The following CNTN3 variants were observed in gnomAD, a reference collection of about 807,000 sequenced individuals.
CNTN3 encodes the protein contactin 3.
CNTN3 carries 60 observed loss-of-function variants against 119.1 expected under a neutral mutation model. The observed-to-expected ratio is 0.50, with a 90% CI of 0.41 to 0.62. CNTN3 has a LOEUF of 0.62. Among genes scored for constraint, CNTN3 ranks in the 20% least tolerant of loss-of-function variants. The pLI, the probability that CNTN3 is intolerant of heterozygous loss-of-function variation, is 0.00. For missense variants in CNTN3, 1,101 were observed against 1,242.4 expected, an observed-to-expected ratio of 0.89 and a Z score of 1.71; for synonymous variants, 450 against 438.7, an observed-to-expected ratio of 1.03 and a Z score of -0.32.
chr3:74,500,651 C>T (rs1703151468), intron 2 of CNTN3, among the ~76,000 whole-genome samples: 1 of 151,780 alleles, frequency 6.6e-6, no homozygotes, highest in Admixed American at 6.6e-5. Flanking sequence ...AAAACGAGAT[C>T]AAGAAGCAGC....
chr3:74,369,445 A>C, intron 7 of CNTN3, 72 bp from the exon 8 acceptor site: 1 of 1,230,250 alleles, frequency 8.1e-7, no homozygotes, highest in Non-Finnish European at 1.1e-6. Flanking sequence ...AAAGCTTTTA[A>C]GATTGAACAA....
At chr3:74,364,688 T>C (rs2106778257) in intron 9 of CNTN3, 92 bp from the exon 10 acceptor site, 1 of 1,097,836 alleles carries the variant, frequency 9.1e-7, no homozygotes, top group African/African-American at 1.6e-5. Flanking sequence ...ACAGAAACTT[T>C]CTGCATTTTT....
intron 12 of CNTN3, among the ~76,000 whole-genome samples, chr3:74,336,102 C>T (rs373252883): frequency 5.9e-5 from 9 of 152,048 alleles, no homozygotes; most frequent in East Asian, 1.9e-4. Context: ...CCAATTTTTT[C>T]ATGAATGGAT....
intron 5 of CNTN3, among the ~76,000 whole-genome samples, chr3:74,375,091 T>C (rs1402617955): frequency 6.6e-6 from 1 of 152,170 alleles, no homozygotes; most frequent in Non-Finnish European, 1.5e-5. Flanking sequence ...AATAATATGG[T>C]CTACCTATTG....
intron 4 of CNTN3, among the ~76,000 whole-genome samples, chr3:74,481,298 A>C (rs1702759285): frequency 6.7e-6 from 1 of 149,370 alleles, no homozygotes; most frequent in Non-Finnish European, 1.5e-5. Flanking sequence ...TTTAGAGAAT[A>C]TCCATTTTTT....
intron 1 of CNTN3, among the ~76,000 whole-genome samples, chr3:74,535,029 A>T (rs1703745466): frequency 6.6e-6 from 1 of 152,076 alleles, no homozygotes; most frequent in Non-Finnish European, 1.5e-5. Context: ...AATATAATTG[A>T]CACCTTGTCT....
intron 11 of CNTN3, among the ~76,000 whole-genome samples, chr3:74,339,231 A>C (rs1703471956): frequency 6.6e-6 from 1 of 152,016 alleles, no homozygotes; most frequent in Non-Finnish European, 1.5e-5. Flanking sequence ...CCTTGCTTAG[A>C]ACCTCCTCTT....
At chr3:74,553,700 T>G (rs1704027454) in intron 1 of CNTN3, among the ~76,000 whole-genome samples, 1 of 152,236 alleles carries the variant, frequency 6.6e-6, no homozygotes, top group Non-Finnish European at 1.5e-5. Context: ...GTCTCTTAGC[T>G]GCATAAATGT....
intron 4 of CNTN3, among the ~76,000 whole-genome samples, chr3:74,434,514 G>A (rs1701835423): frequency 6.6e-6 from 1 of 152,136 alleles, no homozygotes; most frequent in Admixed American, 6.5e-5. Context: ...AGAGGTCCAT[G>A]AACATCTGTT....
intron 1 of CNTN3, among the ~76,000 whole-genome samples, chr3:74,603,697 G>A (rs537838327): frequency 5.3e-5 from 8 of 151,962 alleles, no homozygotes; most frequent in East Asian, 1.9e-4. Context: ...GATATCCTAC[G>A]TTTATGGACT....
chr3:74,426,562 T>C (rs1273250711), intron 4 of CNTN3, among the ~76,000 whole-genome samples: 1 of 152,034 alleles, frequency 6.6e-6, no homozygotes, highest in Non-Finnish European at 1.5e-5. Context: ...TACTGAAAAA[T>C]AGTATTAAAT....
intron 1 of CNTN3, among the ~76,000 whole-genome samples, chr3:74,590,088 C>T (rs2106684917): frequency 6.6e-6 from 1 of 151,510 alleles, no homozygotes; most frequent in Non-Finnish European, 1.5e-5. Context: ...TGCGCATGTA[C>T]CCTAAAACTT....
intron 13 of CNTN3, among the ~76,000 whole-genome samples, chr3:74,306,118 A>G (rs1416183750): frequency 6.6e-6 from 1 of 150,756 alleles, no homozygotes; most frequent in Non-Finnish European, 1.5e-5. Context: ...AGTTTCACTT[A>G]TGTCAAACTA....
At chr3:74,581,581 T>C (rs1274705424) in intron 1 of CNTN3, among the ~76,000 whole-genome samples, 1 of 152,206 alleles carries the variant, frequency 6.6e-6, no homozygotes, top group Non-Finnish European at 1.5e-5. Flanking sequence ...TCAATTCATT[T>C]CGAACTCCCA....
At chr3:74,461,173 A>C (rs894453909) in intron 4 of CNTN3, among the ~76,000 whole-genome samples, 2 of 151,996 alleles carry the variant, frequency 1.3e-5, no homozygotes, top group African/African-American at 2.4e-5. Context: ...ATGTTAGACC[A>C]AACTTGCATT....
intron 1 of CNTN3, among the ~76,000 whole-genome samples, chr3:74,580,260 TC>T (rs1704482761): frequency 3.3e-5 from 5 of 152,192 alleles, no homozygotes; most frequent in Admixed American, 2.6e-4. Flanking sequence ...TCCAAACCCT[TC>T]CCATAAAGAG....
At chr3:74,440,998 TA>T (rs1360864808) in intron 4 of CNTN3, among the ~76,000 whole-genome samples, 1 of 152,128 alleles carries the variant, frequency 6.6e-6, no homozygotes, top group Non-Finnish European at 1.5e-5. Flanking sequence ...CATGGACACC[TA>T]AGGATGACTG....
rs372400495 is a variant in CNTN3, at chr3:74,418,342, C to CTTTCTTTTT, written c.454+6502_454+6503insAAAAAGAAA. On this transcript the variant is annotated intron_variant, in intron 5 of 22. Transcript: ENST00000263665. ...CATGTCCACTGCAGAAAACATATTC[C>CTTTCTTTTT]TTTTTTTTTTTTTTTTTGAGTCAGA... 2.4e-3 allele frequency among the ~76,000 whole-genome samples: 242 copies of CTTTCTTTTT among 99,648 alleles called. 6 individuals are homozygous for CTTTCTTTTT. Among genetic ancestry groups the CTTTCTTTTT allele is most frequent in the Non-Finnish European group, 3.9e-3 (208 of 52,970 alleles). 65.4% of individuals were successfully genotyped at this position (99,648 alleles called of 152,430 possible).
intron 2 of CNTN3, among the ~76,000 whole-genome samples, chr3:74,510,952 T>C (rs1418568779): frequency 6.6e-6 from 1 of 152,094 alleles, no homozygotes; most frequent in Non-Finnish European, 1.5e-5. Flanking sequence ...GTTTGTTTTT[T>C]TCAAGTTTTT....
Sources: gnomAD v4.1 joint callset for allele counts (sites outside exome capture counted in the v4.1 genomes callset) on GRCh38, gnomAD v4.1.1 for gene constraint, MANE v1.5 for transcripts, NCBI Gene and HGNC (gene_info 2026-07-23, HGNC 2026-07-21) for gene names.